SIPA1L3: variants seen among roughly 807,000 people sequenced by gnomAD.
The protein encoded by SIPA1L3 is signal-induced proliferation-associated 1-like protein 3.
SIPA1L3 carries 59 observed loss-of-function variants against 150.1 expected under a neutral mutation model. The observed-to-expected ratio is 0.39, with a 90% confidence interval of 0.32 to 0.49. The LOEUF (loss-of-function observed/expected upper bound fraction) is 0.49. Among genes scored for constraint, SIPA1L3 ranks in the 20% least tolerant of loss-of-function variants. The probability of loss-of-function intolerance (pLI) is 0.86; values close to 1 mark genes in which losing one functional copy is unlikely to be tolerated. For missense variants in SIPA1L3, 2,211 were observed against 2,489.5 expected (o/e 0.89, Z 2.38); for synonymous variants, 1,070 against 1,077.6 (o/e 0.99, Z 0.14).
chr19:37,969,685 T>C (rs1485615412), intron 1 of SIPA1L3, among the ~76,000 whole-genome samples: 1 of 152,186 alleles, frequency 6.6e-6, no homozygotes. Context: ...ATTTCTCAAA[T>C]ATGCCACACT....
chr19:37,981,822 A>C lies in SIPA1L3; in HGVS notation c.-378-47267A>C, dbSNP rs550576918. On this transcript the variant is annotated intron_variant, in intron 1 of 21. Coordinates refer to ENST00000222345, the MANE Select transcript of SIPA1L3 (RefSeq NM_015073.3). ...CCCTGGAAGAGAGGATTGTCTCTTT[A>C]GTCCCTTTATGAGTCATTGGCCATA... is the stretch of plus-strand genomic sequence containing the variant. Among the ~76,000 whole-genome samples the C allele has an allele frequency of 2.6e-5, 4 of 152,292 alleles. No homozygotes were observed. In the South Asian group the frequency reaches 8.3e-4, roughly 32 times the overall value.
rs112046274 is a variant in SIPA1L3, at chr19:37,934,519, T to C, written c.-379+27161T>C. Among the ~76,000 whole-genome samples the C allele has an allele frequency of 5.4e-3, 825 of 152,236 alleles. 7 individuals carry two copies. The highest frequency in any genetic ancestry group is 0.019 in the African/African-American group (801 of 41,500). ...AAAATGGGGATAATTAATAGATGAT[T>C]AAACGAGAAGTCAAAGTGAGATCAG... On this transcript the variant is annotated intron_variant, in intron 1 of 21. Transcript: ENST00000222345.
At position 38,163,502 on chromosome 19, in the gene SIPA1L3, A is replaced by C. The variant is rs187601362; in HGVS notation, c.3781-977A>C. ...GAGACTCTATCTCAAAAAAAAAAAA[A>C]AAAAAAAAACAGTCCAGGGGAGAGA... On this transcript the variant is annotated intron_variant, in intron 14 of 21. Transcript: ENST00000222345. Among the ~76,000 whole-genome samples the C allele has an allele frequency of 5.9e-3, 899 of 151,666 alleles. 32 individuals are homozygous for C. The South Asian group carries it at 0.11, about 18-fold the overall frequency.
intron 1 of SIPA1L3, among the ~76,000 whole-genome samples, chr19:37,933,998 C>T (rs2046578229): frequency 6.6e-6 from 1 of 152,208 alleles, no homozygotes. Flanking sequence ...AATTAACCAG[C>T]CAGGCACAGT....
chr19:38,203,828 C>T (rs2068631566), intron 20 of SIPA1L3: 3 of 361,634 alleles, frequency 8.3e-6, no homozygotes, highest in East Asian at 1.0e-4. Context: ...AGAAGGGGTC[C>T]TCCCTGAAGT....
At chr19:38,021,334 G>C (rs901316110) in intron 1 of SIPA1L3, among the ~76,000 whole-genome samples, 1 of 152,124 alleles carries the variant, frequency 6.6e-6, no homozygotes, top group African/African-American at 2.4e-5. Flanking sequence ...TGGCTGACAG[G>C]TCAACACCAG....
chr19:38,205,678 T>C (rs960105471), intron 21 of SIPA1L3, among the ~76,000 whole-genome samples: 2 of 152,110 alleles, frequency 1.3e-5, no homozygotes, highest in Non-Finnish European at 2.9e-5. Flanking sequence ...GGGGGTCTGC[T>C]CAGGCCACCC....
chr19:38,181,473 A>G (rs560740368), intron 15 of SIPA1L3, among the ~76,000 whole-genome samples: 1 of 152,118 alleles, frequency 6.6e-6, no homozygotes, highest in Non-Finnish European at 1.5e-5. Context: ...CTCTTTAAAT[A>G]AACAAAAAAC....
chr19:38,160,691 C>T (rs916929759), intron 13 of SIPA1L3, among the ~76,000 whole-genome samples: 5 of 152,160 alleles, frequency 3.3e-5, no homozygotes, highest in East Asian at 1.9e-4. Context: ...CGTGAGCCAC[C>T]GCACCAGGCC....
chr19:38,078,580 GCACA>G (rs760869744), intron 2 of SIPA1L3, among the ~76,000 whole-genome samples: 3 of 145,986 alleles, frequency 2.1e-5, no homozygotes, highest in Non-Finnish European at 3.0e-5. Flanking sequence ...ACAGAGACAC[GCACA>G]CACACACAGA....
At chr19:37,934,456 G>C (rs555523131) in intron 1 of SIPA1L3, among the ~76,000 whole-genome samples, 311 of 152,206 alleles carry the variant, frequency 2.0e-3, no homozygotes, top group Non-Finnish European at 3.1e-3. Flanking sequence ...CAACACTGTG[G>C]GCACAGTAGT....
intron 17 of SIPA1L3, among the ~76,000 whole-genome samples, chr19:38,192,605 A>G (rs1456598366): frequency 6.6e-6 from 1 of 152,166 alleles, no homozygotes; most frequent in Non-Finnish European, 1.5e-5. Flanking sequence ...CCTCCAGCCC[A>G]GGATAGAAAC....
At chr19:37,943,028 CTCTCTCTTTTTTTTT>C (rs1217036142) in intron 1 of SIPA1L3, among the ~76,000 whole-genome samples, 1 of 120,364 alleles carries the variant, frequency 8.3e-6, no homozygotes, top group Non-Finnish European at 1.8e-5. Flanking sequence ...CTCTCTCTCT[CTCTCTCTTTTTTTTT>C]TTTTTTTTTT....
chr19:38,090,023 C>T (rs573439630), intron 4 of SIPA1L3, among the ~76,000 whole-genome samples: 4 of 152,222 alleles, frequency 2.6e-5, no homozygotes, highest in South Asian at 2.1e-4. Context: ...CTTCTTTGCA[C>T]TGTCTCTTCC....
intron 1 of SIPA1L3, among the ~76,000 whole-genome samples, chr19:38,015,673 G>A (rs1247156231): frequency 6.9e-6 from 1 of 145,604 alleles, no homozygotes; most frequent in Admixed American, 7.1e-5. Context: ...GCAGTGAGCT[G>A]TGATCAGGTC....
chr19:38,005,319 G>A (rs1459837445), intron 1 of SIPA1L3, among the ~76,000 whole-genome samples: 9 of 152,042 alleles, frequency 5.9e-5, no homozygotes. Context: ...CCCAGACCCT[G>A]CTTGCTCTGG....
chr19:37,937,356 T>C (rs191109017), intron 1 of SIPA1L3, among the ~76,000 whole-genome samples: 1 of 152,300 alleles, frequency 6.6e-6, no homozygotes, highest in East Asian at 1.9e-4. Flanking sequence ...GTACTTCCCA[T>C]TCACTTTCCT....
chr19:38,119,240 A>G (rs1970959686), intron 8 of SIPA1L3, 66 bp from the exon 9 acceptor site: 1 of 1,425,520 alleles, frequency 7.0e-7, no homozygotes, highest in Non-Finnish European at 9.6e-7. Context: ...TTTTGATCGA[A>G]TATTTTCTCT....
chr19:38,109,277 CA>C (rs1654804921), intron 7 of SIPA1L3: 1 of 152,204 alleles, frequency 6.6e-6, no homozygotes, highest in African/African-American at 2.4e-5. Context: ...TGGTGGCAGG[CA>C]AGAGAGCTTG....
Sources: allele counts gnomAD v4.1 joint callset (sites outside exome capture counted in the v4.1 genomes callset), GRCh38; gene constraint gnomAD v4.1.1; transcripts MANE v1.5; gene names NCBI Gene and HGNC (gene_info 2026-07-23, HGNC 2026-07-21).